Variants in NRXN3 observed in about 807,000 individuals in gnomAD.
The protein encoded by NRXN3 is neurexin III.
A neutral mutation model predicts 137.6 loss-of-function variants in NRXN3; 32 were observed. The ratio of observed to expected loss-of-function variants is 0.23; its 90% CI spans 0.18 to 0.31. NRXN3 has a LOEUF of 0.31. Ranked by LOEUF, NRXN3 falls within the 10% of genes least tolerant of loss-of-function variation. NRXN3 has a pLI of 1.00. For missense variants in NRXN3, 1,574 were observed against 2,062.5 expected (o/e 0.76, Z 4.59); for synonymous variants, 798 against 784.5 (o/e 1.02, Z -0.29).
chr14:79,630,198 C>T (rs2098330429), intron 16 of NRXN3, among the ~76,000 whole-genome samples: 1 of 152,118 alleles, frequency 6.6e-6, no homozygotes, highest in East Asian at 1.9e-4. Context: ...CTTTATGGCC[C>T]AAGTGAATAC....
chr14:78,938,288 A>G (rs1370090423), intron 10 of NRXN3, among the ~76,000 whole-genome samples: 1 of 152,248 alleles, frequency 6.6e-6, no homozygotes, highest in East Asian at 1.9e-4. Context: ...ATTTGAAGCC[A>G]TGTCTGGCTC....
chr14:79,229,137 A>C (rs766787800), intron 15 of NRXN3, among the ~76,000 whole-genome samples: 5 of 152,142 alleles, frequency 3.3e-5, no homozygotes, highest in Non-Finnish European at 5.9e-5. Flanking sequence ...CTTCATCAGC[A>C]TTATACTTGC....
chr14:78,694,575 T>C (rs976867625), intron 6 of NRXN3, among the ~76,000 whole-genome samples: 1 of 151,894 alleles, frequency 6.6e-6, no homozygotes, highest in Non-Finnish European at 1.5e-5. Flanking sequence ...TGTTTAATTT[T>C]TGCTTGGAGT....
At chr14:79,201,836 A>C (rs913979219) in intron 15 of NRXN3, among the ~76,000 whole-genome samples, 2 of 152,240 alleles carry the variant, frequency 1.3e-5, no homozygotes, top group African/African-American at 2.4e-5. Context: ...CTGTTCAAGC[A>C]CTTTCTACGT....
chr14:79,087,553 A>G lies in NRXN3; in HGVS notation c.3262+99412A>G, dbSNP rs1344846165. On this transcript the variant is annotated intron_variant, in intron 15 of 20. Coordinates refer to ENST00000335750, the MANE Select transcript of NRXN3 (RefSeq NM_001330195.2). ...AACAGTGCCAGGTATGAATAGGGAA[A>G]ACTTCTTGGTAGTGGTGATACCTTA... 2.0e-5 allele frequency among the ~76,000 whole-genome samples: 3 copies of G among 152,190 alleles called. No individual in the cohort carries two copies. In the East Asian group the frequency reaches 5.8e-4, roughly 29 times the overall value.
chr14:78,964,339 A>G (rs2152989688), intron 11 of NRXN3, among the ~76,000 whole-genome samples: 1 of 152,340 alleles, frequency 6.6e-6, no homozygotes, highest in African/African-American at 2.4e-5. Flanking sequence ...GCCCACTTGA[A>G]TAGTAGTTCA....
At chr14:79,231,800 G>A (rs1432616160) in intron 15 of NRXN3, among the ~76,000 whole-genome samples, 1 of 152,084 alleles carries the variant, frequency 6.6e-6, no homozygotes, top group African/African-American at 2.4e-5. Context: ...TAAGTCAGCA[G>A]CCTTTTGTTT....
chr14:79,530,595 T>TG (rs1555506462), intron 16 of NRXN3, among the ~76,000 whole-genome samples: 2 of 149,844 alleles, frequency 1.3e-5, no homozygotes, highest in South Asian at 4.3e-4. Context: ...GGTTTTTTGT[T>TG]TTTTTTTTTT....
chr14:78,576,803 C>T lies in NRXN3; in HGVS notation c.758-68317C>T, dbSNP rs376003607. On this transcript the variant is annotated intron_variant, in intron 4 of 20. Coordinates refer to ENST00000335750, the MANE Select transcript of NRXN3 (RefSeq NM_001330195.2). ...GGGTGAAAACTTGGGGCAAAATTTG[C>T]GACTTCCTATACTGGGTCAAAAGAC... Among the ~76,000 whole-genome samples, 154 of 152,264 alleles carry T rather than the reference C, an allele frequency of 1.0e-3. 1 individual carries two copies. Among genetic ancestry groups the T allele is most frequent in the African/African-American group, 3.4e-3 (140 of 41,562 alleles).
intron 15 of NRXN3, among the ~76,000 whole-genome samples, chr14:79,277,593 T>C (rs1332511209): frequency 1.3e-5 from 2 of 152,222 alleles, no homozygotes; most frequent in East Asian, 1.9e-4. Flanking sequence ...AGATACTGTA[T>C]ATTTTCTCAT....
chr14:78,952,684 C>T (rs776252336), intron 10 of NRXN3, among the ~76,000 whole-genome samples: 25 of 152,162 alleles, frequency 1.6e-4, no homozygotes, highest in South Asian at 4.1e-4. Flanking sequence ...TCTTTCACTA[C>T]GCCTTTCTAA....
intron 16 of NRXN3, among the ~76,000 whole-genome samples, chr14:79,536,783 A>G (rs2097215038): frequency 6.6e-6 from 1 of 152,132 alleles, no homozygotes; most frequent in African/African-American, 2.4e-5. Context: ...TGAAAAGGAC[A>G]TGATCTTATT....
rs1332261595 is a variant in NRXN3 at position 79,848,757 on chromosome 14, A to G, written c.4094-12585A>G. Among the ~76,000 whole-genome samples, 4 of 152,146 alleles carry G rather than the reference A, an allele frequency of 2.6e-5. No individual in the cohort carries two copies. The East Asian group carries it at 7.8e-4, about 30-fold the overall frequency. On this transcript the variant is annotated intron_variant, in intron 20 of 20. Transcript: ENST00000335750. ...TCTTAGCTGGCCCCAGATATGGCCCAGGTGTTTTAATCTTCTGGGTGATCT... is the reference window on the plus strand; with the variant it reads ...TCTTAGCTGGCCCCAGATATGGCCCGGGTGTTTTAATCTTCTGGGTGATCT...
In NRXN3 at chr14:79,209,270, A is replaced by G. The variant is rs530904104; in HGVS notation, c.3262+221129A>G. On this transcript the variant is annotated intron_variant, in intron 15 of 20. Coordinates refer to ENST00000335750, the MANE Select transcript of NRXN3 (RefSeq NM_001330195.2). The stretch of plus-strand genomic sequence containing the variant: ...TTTTTAAAGTAATGAATTGCTAGTT[A>G]GCAACCTCTGAGTTTTTTAAGGTGT... Among the ~76,000 whole-genome samples, 140 of 152,140 alleles carry G rather than the reference A, an allele frequency of 9.2e-4. 4 individuals carry two copies. In the South Asian group the frequency reaches 0.028, roughly 31 times the overall value.
At chr14:79,139,198 G>A (rs8014331) in intron 15 of NRXN3, among the ~76,000 whole-genome samples, 149,613 of 152,302 alleles carry the variant, frequency 0.98, 73,539 homozygotes, top group Middle Eastern at 1. Context: ...TGAATGGTGG[G>A]TGTGTGATGA....
Position 78,997,670 on chromosome 14 carries a change from T to TA in NRXN3, c.3262+9533dup, listed in dbSNP as rs200093718. 9.3e-3 allele frequency among the ~76,000 whole-genome samples: 1,411 copies of TA among 152,320 alleles called. 16 individuals carry two copies. The highest frequency in any genetic ancestry group is 0.029 in the African/African-American group (1,189 of 41,576). On this transcript the variant is annotated intron_variant, in intron 15 of 20. Coordinates refer to ENST00000335750, the MANE Select transcript of NRXN3 (RefSeq NM_001330195.2). The stretch of plus-strand genomic sequence containing the variant: ...GGAAGAGATCATTTTTTGAAGGTGG[T>TA]AAAATTTACATCCAGCAAAATGCAT...
intron 16 of NRXN3, among the ~76,000 whole-genome samples, chr14:79,560,679 C>T (rs904330141): frequency 1.2e-4 from 18 of 151,486 alleles, no homozygotes; most frequent in Admixed American, 7.9e-4. Flanking sequence ...CCTGGGATTA[C>T]AAGCATGTGC....
At chr14:79,279,359 A>T (rs1327160449) in intron 15 of NRXN3, 1 of 985,606 alleles carries the variant, frequency 1.0e-6, no homozygotes, top group Non-Finnish European at 1.2e-6. Flanking sequence ...CCCATTTGTG[A>T]ATTTGGCTCC....
At chr14:79,175,805 G>A (rs948835188) in intron 15 of NRXN3, among the ~76,000 whole-genome samples, 1 of 152,210 alleles carries the variant, frequency 6.6e-6, no homozygotes, top group Non-Finnish European at 1.5e-5. Flanking sequence ...TGGCAGTGAG[G>A]AAGTGGGATA....
Sources: gnomAD v4.1 joint callset for allele counts (sites outside exome capture counted in the v4.1 genomes callset) on GRCh38, gnomAD v4.1.1 for gene constraint, MANE v1.5 for transcripts, NCBI Gene and HGNC (gene_info 2026-07-23, HGNC 2026-07-21) for gene names.